PRDM14: variants seen among roughly 807,000 people sequenced by gnomAD.
The protein encoded by PRDM14 is PR domain zinc finger protein 14.
In PRDM14, 16 loss-of-function variants were observed where a neutral mutation model predicts 48.0. That is an observed-to-expected ratio of 0.33 (90% CI 0.23 to 0.51). The LOEUF (loss-of-function observed/expected upper bound fraction) is 0.51, where lower values mean the gene tolerates loss of function less well. PRDM14 is among the 20% of genes least tolerant of loss of function. The pLI, the probability that PRDM14 is intolerant of heterozygous loss-of-function variation, is 0.97. For synonymous variants in PRDM14, 264 were observed against 276.6 expected (o/e 0.95, Z 0.45); for missense variants, 566 against 719.6 (o/e 0.79, Z 2.44).
Position 70,069,824 on chromosome 8 carries a change from C to T in PRDM14, c.37G>A (p.Asp13Asn), listed in dbSNP as rs760440697. 1.2e-6 allele frequency: 2 copies of T among 1,608,234 alleles called. No individual in the cohort carries two copies. The highest frequency in any genetic ancestry group is 2.2e-5 in the South Asian group (2 of 89,892). Residue 13 changes from aspartate to asparagine, a missense_variant, in exon 2 of 8, where the codon GAC becomes AAC. Transcript: ENST00000276594. ...LPRPSEAVPQ[D>N]KVCYPPESSP... ...CTCTCCGGCGGGTAGCACACCTTGT[C>T]CTGAGGCACGGCCTCACTTGGCCGG... is the stretch of plus-strand genomic sequence containing the variant.
At chr8:70,064,065 C>A (rs1163035851) in intron 5 of PRDM14, among the ~76,000 whole-genome samples, 1 of 152,094 alleles carries the variant, frequency 6.6e-6, no homozygotes, top group Non-Finnish European at 1.5e-5. Context: ...GCGATCAGAA[C>A]AAGCAACAGA....
At chr8:70,062,197 A>G (rs1468038196) in intron 5 of PRDM14, among the ~76,000 whole-genome samples, 1 of 152,218 alleles carries the variant, frequency 6.6e-6, no homozygotes, top group African/African-American at 2.4e-5. Context: ...CACTTGGTTC[A>G]GAACTGGAAC....
chr8:70,071,129 C>G lies in PRDM14; in HGVS notation c.-25+21G>C, dbSNP rs1006979023. On this transcript the variant is annotated intron_variant, in intron 1 of 7. Transcript: ENST00000276594. This position sits in a 1 kb window ranked among gnomAD's most constrained non-coding sequence, Gnocchi z 5.2. ...GAAGACCACCGCCCCGGGCCCCAGGCGCGTCCTGTCCCGTGCCTACCTCCG... is the reference window on the plus strand; with the variant it reads ...GAAGACCACCGCCCCGGGCCCCAGGGGCGTCCTGTCCCGTGCCTACCTCCG... The G allele has an allele frequency of 1.3e-5, 2 of 152,394 alleles. No homozygotes were observed. Among genetic ancestry groups the G allele is most frequent in the African/African-American group, 2.4e-5 (1 of 41,448 alleles). 9.4% of individuals were successfully genotyped at this position (152,394 alleles called of 1,614,324 possible).
At chr8:70,052,865 CAAAAAAA>C (rs71275047) in intron 7 of PRDM14, among the ~76,000 whole-genome samples, 1 of 24,326 alleles carries the variant, frequency 4.1e-5, no homozygotes, top group Non-Finnish European at 6.9e-5. Context: ...ACTCTGTCTC[CAAAAAAA>C]AAAAAAAAAA....
intron 6 of PRDM14, 90 bp downstream of exon 6, chr8:70,058,550 G>C: frequency 8.9e-7 from 1 of 1,119,650 alleles, no homozygotes; most frequent in Non-Finnish European, 1.3e-6. Context: ...CAGCCCTGCA[G>C]CTAGCACCTA....
intron 6 of PRDM14, 116 bp from the exon 7 acceptor site, chr8:70,055,517 T>G: frequency 3.5e-6 from 2 of 569,072 alleles, no homozygotes; most frequent in South Asian, 4.0e-5. Context: ...TTCTTTTTTT[T>G]TTTTTTGAGA....
intron 5 of PRDM14, among the ~76,000 whole-genome samples, chr8:70,061,557 G>A (rs748025323): frequency 2.6e-5 from 4 of 152,126 alleles, no homozygotes; most frequent in Non-Finnish European, 4.4e-5. Context: ...CAGAATCCCC[G>A]TGCTGGGACA....
chr8:70,055,421 T>C lies in PRDM14; in HGVS notation c.1387-20A>G, dbSNP rs1805456144. On this transcript the variant is annotated intron_variant, in intron 6 of 7. Coordinates refer to ENST00000276594, the MANE Select transcript of PRDM14 (RefSeq NM_024504.4). ...AGAACACTAAGGTGAAAAAGAAAAA[T>C]ATAGTTGAAATCACACCTTCCTCTA... The C allele has an allele frequency of 2.9e-6, 4 of 1,389,142 alleles. No homozygotes were observed. The highest frequency in any genetic ancestry group is 2.3e-5 in the East Asian group (1 of 43,728). 86.1% of individuals were successfully genotyped at this position (1,389,142 alleles called of 1,614,324 possible).
chr8:70,066,425 G>A lies in PRDM14; in HGVS notation c.993C>T (p.Ala331=). The A allele has an allele frequency of 6.2e-7, 1 of 1,614,072 alleles. No homozygotes were observed. The highest frequency in any genetic ancestry group is 8.5e-7 in the Non-Finnish European group (1 of 1,180,004). ...TGNWMSYVNC[A]RFPKEQNLVA... is the part of the protein sequence containing the mutation. ...CTAGGTTCTGCTCCTTGGGGAAGCG[G>A]GCACAGTTGACATAGGACATCCAGT... Residue 331 remains alanine (A), a synonymous_variant, in exon 5 of 8, where the codon GCC becomes GCT. Coordinates refer to ENST00000276594, the MANE Select transcript of PRDM14 (RefSeq NM_024504.4).
chr8:70,057,122 C>A (rs564841697), intron 6 of PRDM14, among the ~76,000 whole-genome samples: 1 of 151,820 alleles, frequency 6.6e-6, no homozygotes, highest in Non-Finnish European at 1.5e-5. Flanking sequence ...CCCACCACCA[C>A]GCCTGGCTAA....
Position 70,069,544 on chromosome 8 carries a change from T to C in PRDM14, c.317A>G (p.His106Arg). ...GAAGGGCGGCACTTCCCTGGGGACG[T>C]GGGGAATTGGGTACCACGGTGGCAG... ...SKLPPWYPIP[H>R]VPREVPPFLS... Residue 106 changes from histidine to arginine, a missense_variant, in exon 2 of 8, where the codon CAC becomes CGC. Coordinates refer to ENST00000276594, the MANE Select transcript of PRDM14 (RefSeq NM_024504.4). The C allele has an allele frequency of 6.2e-7, 1 of 1,608,266 alleles. No individual in the cohort carries two copies. The highest frequency in any genetic ancestry group is 8.5e-7 in the Non-Finnish European group (1 of 1,177,048).
intron 4 of PRDM14, among the ~76,000 whole-genome samples, chr8:70,066,882 C>T (rs1420890855): frequency 2.0e-5 from 3 of 151,978 alleles, no homozygotes; most frequent in East Asian, 1.9e-4. Context: ...TGCACCATCA[C>T]GCCTGGCAAA....
At chr8:70,054,678 C>T (rs1394229255) in intron 7 of PRDM14, among the ~76,000 whole-genome samples, 4 of 150,464 alleles carry the variant, frequency 2.7e-5, no homozygotes, top group Non-Finnish European at 4.4e-5. Context: ...GCCACCATGC[C>T]CAGCTAATTT....
chr8:70,057,351 T>C (rs1239064835), intron 6 of PRDM14, among the ~76,000 whole-genome samples: 3 of 147,836 alleles, frequency 2.0e-5, no homozygotes, highest in Non-Finnish European at 4.5e-5. Context: ...TTTTTTGGGA[T>C]GGAGTCTCAC....
At chr8:70,054,927 T>C (rs1243035545) in intron 7 of PRDM14, among the ~76,000 whole-genome samples, 1 of 150,952 alleles carries the variant, frequency 6.6e-6, no homozygotes, top group African/African-American at 2.4e-5. Flanking sequence ...ACTCAAGCAA[T>C]TCTCCAGCCT....
rs1338180551 is a variant in PRDM14 at position 70,069,143 on chromosome 8, G to A, written c.700+18C>T. 3 of 1,474,710 alleles carry A rather than the reference G, an allele frequency of 2.0e-6. No homozygotes were observed. The South Asian group carries it at 4.7e-5, about 23-fold the overall frequency. The allele number at this position is 1,474,710 out of a possible 1,614,324, so 91.4% of individuals were successfully genotyped here. A position where few individuals can be genotyped will look rare whatever the true frequency, so the allele number is the denominator to read the frequency against. ...TTCCCGTCCAATTCGACTCCCAAATGGTGTGAACTCCCTTTACCAGAGCTG... is the reference window on the plus strand; with the variant it reads ...TTCCCGTCCAATTCGACTCCCAAATAGTGTGAACTCCCTTTACCAGAGCTG... On this transcript the variant is annotated intron_variant, in intron 2 of 7. Transcript: ENST00000276594.
At chr8:70,058,904 G>A (rs1805525107) in intron 5 of PRDM14, 62 bp from the exon 6 acceptor site, 5 of 1,292,466 alleles carry the variant, frequency 3.9e-6, no homozygotes, top group Non-Finnish European at 4.3e-6. Flanking sequence ...CCTTCAAGAG[G>A]ATATTTATTT....
At chr8:70,058,071 G>A (rs912854562) in intron 6 of PRDM14, among the ~76,000 whole-genome samples, 1 of 152,196 alleles carries the variant, frequency 6.6e-6, no homozygotes, top group African/African-American at 2.4e-5. Flanking sequence ...AAGCCTAGCA[G>A]AGCATCCAGG....
At position 70,069,760 on chromosome 8, in the gene PRDM14, G is replaced by C. The variant is rs752938943; in HGVS notation, c.101C>G (p.Pro34Arg). ...GCTGTTTCTGTAGTGTCCATAGGAC[G>C]GGAAAGGCGTGTAGTACGCGGCCAG... ...QNLAAYYTPF[P>R]SYGHYRNSLA... The change falls in exon 2 of 8, where the codon CCG becomes CGG. Residue 34 changes from proline to arginine, a missense_variant. Physicochemically the swap from Pro to Arg is moderately radical, Grantham distance 103 (BLOSUM62 -2). Transcript: ENST00000276594. 4.4e-6 allele frequency: 7 copies of C among 1,608,522 alleles called. No homozygotes were observed. Among genetic ancestry groups the C allele is most frequent in the Non-Finnish European group, 5.9e-6 (7 of 1,177,982 alleles).
Sources: allele counts gnomAD v4.1 joint callset (sites outside exome capture counted in the v4.1 genomes callset), GRCh38; gene constraint gnomAD v4.1.1; non-coding constraint Gnocchi (gnomAD v3.1); transcripts MANE v1.5; gene names NCBI Gene and HGNC (gene_info 2026-07-23, HGNC 2026-07-21).